ADCY7: variants seen among roughly 807,000 people sequenced by gnomAD.
ADCY7 encodes the protein adenylate cyclase type 7.
In ADCY7, 72 loss-of-function variants were observed where a neutral mutation model predicts 120.6. The ratio of observed to expected loss-of-function variants is 0.60; its 90% CI spans 0.49 to 0.73. ADCY7 has a LOEUF of 0.73. Ranked by LOEUF, ADCY7 falls within the 30% of genes least tolerant of loss-of-function variation. The probability of loss-of-function intolerance (pLI) is 0.00; values close to 1 mark genes in which losing one functional copy is unlikely to be tolerated. For synonymous variants in ADCY7, 661 were observed against 628.0 expected (o/e 1.05, Z -0.78); for missense variants, 1,227 against 1,486.0 (o/e 0.83, Z 2.87).
intron 1 of ADCY7, among the ~76,000 whole-genome samples, chr16:50,261,442 G>A (rs564856560): frequency 1.3e-5 from 2 of 152,194 alleles, no homozygotes; most frequent in African/African-American, 4.8e-5. Flanking sequence ...GGGGGTCCCC[G>A]AGAGGCAGGA....
intron 1 of ADCY7, among the ~76,000 whole-genome samples, chr16:50,258,104 T>C (rs2032964693): frequency 6.6e-6 from 1 of 152,092 alleles, no homozygotes; most frequent in Non-Finnish European, 1.5e-5. Flanking sequence ...TGGCATGCAC[T>C]TGTAATGTAA....
rs1173807672 is a variant in ADCY7 at position 50,304,213 on chromosome 16, T to G, written c.1369-147T>G. ...AAGGGCAGCCGCTCTCCAAGGGGAC[T>G]GCGGGTTGAGCAACTTCTTTGCTGT... On this transcript the variant is annotated intron_variant, in intron 10 of 25. Transcript: ENST00000673801. 18 of 826,360 alleles carry G rather than the reference T, an allele frequency of 2.2e-5. No homozygotes were observed. In the Admixed American group the frequency reaches 2.3e-4, roughly 10 times the overall value. The allele number at this position is 826,360 out of a possible 1,614,324, so 51.2% of individuals were successfully genotyped here.
At chr16:50,301,380 C>T (rs1010884195) in intron 10 of ADCY7, among the ~76,000 whole-genome samples, 166 bp downstream of exon 10, 12 of 152,094 alleles carry the variant, frequency 7.9e-5, no homozygotes, top group African/African-American at 2.7e-4. Context: ...TTCTAGGCAC[C>T]GAGTAGCCAC....
intron 22 of ADCY7, 25 bp downstream of exon 22, chr16:50,313,061 G>A (rs750947808): frequency 5.0e-6 from 8 of 1,612,688 alleles, no homozygotes; most frequent in African/African-American, 2.7e-5. Flanking sequence ...CCAGCCTTGC[G>A]CAGCAGCCCC....
intron 9 of ADCY7, 24 bp downstream of exon 9, chr16:50,300,897 A>C: frequency 6.4e-7 from 1 of 1,551,900 alleles, no homozygotes; most frequent in Non-Finnish European, 8.7e-7. Context: ...GGGTAGCCGC[A>C]GGGACAGAGG....
intron 7 of ADCY7, among the ~76,000 whole-genome samples, chr16:50,296,488 C>T (rs187437344): frequency 7.2e-5 from 11 of 152,028 alleles, no homozygotes; most frequent in Admixed American, 4.6e-4. Context: ...TCCTGAGTAG[C>T]TGGGACTACA....
Position 50,279,681 on chromosome 16 carries a change from G to C in ADCY7, c.-268-8231G>C, listed in dbSNP as rs575955516. The C allele has an allele frequency of 3.3e-5, 5 of 152,340 alleles. No individual in the cohort carries two copies. The East Asian group carries it at 9.6e-4, about 29-fold the overall frequency. The allele number at this position is 152,340 out of a possible 1,614,324, so 9.4% of individuals were successfully genotyped here. On this transcript the variant is annotated intron_variant, in intron 1 of 25. Transcript: ENST00000673801. Reference sequence around the variant, plus strand: ...CTGGCCTGGCACCTGGTGCACAGAAGGCATGAGTGCACATCTGCTGAAGGT... The same window carrying C: ...CTGGCCTGGCACCTGGTGCACAGAACGCATGAGTGCACATCTGCTGAAGGT...
Position 50,255,402 on chromosome 16 carries a change from G to GGAAAAAAAAAAAAAAAAA in ADCY7, c.-64+9199_-64+9200insGAAAAAAAAAAAAAAAAA, listed in dbSNP as rs368044444. Among the ~76,000 whole-genome samples the GGAAAAAAAAAAAAAAAAA allele has an allele frequency of 1.1e-3, 116 of 108,118 alleles. 1 individual carries two copies. The highest frequency in any genetic ancestry group is 4.1e-3 in the African/African-American group (111 of 27,162). The allele number at this position is 108,118 out of a possible 152,430, so 70.9% of individuals were successfully genotyped here. A position where few individuals can be genotyped will look rare whatever the true frequency, so the allele number is the denominator to read the frequency against. Reference sequence around the variant, plus strand: ...CCTGGCCCATAAGACTCTGTTTCTGGAAAAAAAAAAAAAAAAAAAGACGTA... The same window carrying GGAAAAAAAAAAAAAAAAA: ...CCTGGCCCATAAGACTCTGTTTCTGGGAAAAAAAAAAAAAAAAAAAAAAAAAAAAAAAAAAAAGACGTA... On this transcript the variant is annotated intron_variant, in intron 1 of 4. Transcript: ENST00000564044.
In ADCY7 at chr16:50,292,515, G is replaced by T. The variant is rs1439545424; in HGVS notation, c.538-161G>T. The T allele has an allele frequency of 6.0e-6, 5 of 834,430 alleles. No homozygotes were observed. In the African/African-American group the frequency reaches 6.8e-5, roughly 11 times the overall value. 51.7% of individuals were successfully genotyped at this position (834,430 alleles called of 1,614,324 possible). On this transcript the variant is annotated intron_variant, in intron 4 of 25. Transcript: ENST00000673801. ...CTCACTAGGAGACTAGCTCCTGTCT[G>T]GGCCTCAGTTTCCCTGTCTGCCCCA...
intron 10 of ADCY7, among the ~76,000 whole-genome samples, chr16:50,303,358 A>G (rs2035857940): frequency 6.6e-6 from 1 of 152,222 alleles, no homozygotes; most frequent in Non-Finnish European, 1.5e-5. Context: ...GGTTTCCAGG[A>G]AAGTTGCGCT....
rs1426826858 is a variant in ADCY7 at position 50,315,403 on chromosome 16, T to C, written c.3141T>C (p.Ser1047=). The C allele has an allele frequency of 6.2e-6, 10 of 1,614,052 alleles. No homozygotes were observed. The East Asian group carries it at 8.9e-5, about 14-fold the overall frequency. ...CCATCCTCCAGGGCCTCGGGTACTCTTGTGAATGCCGTGGCCTGATCAACG... is the reference window on the plus strand; with the variant it reads ...CCATCCTCCAGGGCCTCGGGTACTCCTGTGAATGCCGTGGCCTGATCAACG... ...TCTILQGLGY[S]CECRGLINVK... is the part of the protein sequence containing the mutation. The change falls in exon 26 of 26, where the codon TCT becomes TCC. Residue 1047 remains serine, a synonymous_variant. Transcript: ENST00000673801.
chr16:50,308,528 C>T, intron 16 of ADCY7, 117 bp downstream of exon 16: 1 of 1,560,544 alleles, frequency 6.4e-7, no homozygotes, highest in Non-Finnish European at 8.7e-7. Flanking sequence ...AGGTTGGGTG[C>T]CCATCTCTCC....
chr16:50,288,168 C>G lies in ADCY7; in HGVS notation c.-12C>G. 1.3e-6 allele frequency: 2 copies of G among 1,541,994 alleles called. No individual in the cohort carries two copies. On this transcript the variant is annotated 5_prime_UTR_variant, in exon 2 of 26. Transcript: ENST00000673801. ...AACGGCCCCTTAACGACACGCGTGCCAAGGGTGGAGGATGCCAGCCAAGGG... is the reference window on the plus strand; with the variant it reads ...AACGGCCCCTTAACGACACGCGTGCGAAGGGTGGAGGATGCCAGCCAAGGG...
At chr16:50,290,409 T>C in intron 2 of ADCY7, 48 bp from the exon 3 acceptor site, 1 of 1,607,030 alleles carries the variant, frequency 6.2e-7, no homozygotes, top group Non-Finnish European at 8.5e-7. Context: ...AGGAGGTGGC[T>C]CTGCACTGGG....
intron 25 of ADCY7, 23 bp downstream of exon 25, chr16:50,315,161 G>C: frequency 6.2e-7 from 1 of 1,613,258 alleles, no homozygotes; most frequent in Non-Finnish European, 8.5e-7. Context: ...TGGGGAAGCA[G>C]TTGACTAAGG....
Position 50,308,702 on chromosome 16 carries a change from C to T in ADCY7, c.1971C>T (p.Ile657=), listed in dbSNP as rs1308321512. ...CCPARGTLCT[I]SERVETQPLL... ...CAGCTCGGGGGACGCTCTGCACTAT[C>T]TCTGAGAGGGTGGAGACACAGCCCC... The change falls in exon 17 of 26, where the codon ATC becomes ATT. Residue 657 remains isoleucine, a synonymous_variant. Transcript: ENST00000673801. 1 of 1,613,728 alleles carries T rather than the reference C, an allele frequency of 6.2e-7. No individual in the cohort carries two copies. The highest frequency in any genetic ancestry group is 1.1e-5 in the South Asian group (1 of 91,076).
At chr16:50,295,345 A>ATTTTTTTTTTTTTTTTTTTT (rs67137852) in intron 7 of ADCY7, among the ~76,000 whole-genome samples, 2 of 82,738 alleles carry the variant, frequency 2.4e-5, no homozygotes, top group Non-Finnish European at 4.6e-5. Flanking sequence ...CGCCTGGCTA[A>ATTTTTTTTTTTTTTTTTTTT]TTTTTTTTTT....
intron 19 of ADCY7, 128 bp from the exon 20 acceptor site, chr16:50,311,565 G>T: frequency 1.6e-4 from 105 of 640,186 alleles, no homozygotes; most frequent in South Asian, 5.9e-4. Context: ...AAGTTGTCTT[G>T]TTTTCTACCC....
intron 1 of ADCY7, among the ~76,000 whole-genome samples, chr16:50,249,473 A>AACG (rs926201295): frequency 3.3e-5 from 5 of 152,004 alleles, no homozygotes; most frequent in Non-Finnish European, 7.4e-5. Context: ...CAACAACAAC[A>AACG]AAACCAAAGT....
Sources: allele counts gnomAD v4.1 joint callset (sites outside exome capture counted in the v4.1 genomes callset), GRCh38; gene constraint gnomAD v4.1.1; transcripts MANE v1.5; gene names NCBI Gene and HGNC (gene_info 2026-07-23, HGNC 2026-07-21).